The following ULK2 variants were observed in gnomAD, a reference collection of about 807,000 sequenced individuals.
The protein encoded by ULK2 is unc-51 like autophagy activating kinase 2, also known as serine/threonine-protein kinase ULK2.
Under a neutral mutation model 127.5 loss-of-function variants are expected in ULK2, and 76 were observed. That is an observed-to-expected ratio of 0.60 (90% CI 0.50 to 0.72). The LOEUF is 0.72. Among genes scored for constraint, ULK2 ranks in the 30% least tolerant of loss-of-function variants. The pLI, the probability that ULK2 is intolerant of heterozygous loss-of-function variation, is 0.00. For synonymous variants in ULK2, 452 were observed against 461.9 expected (o/e 0.98, Z 0.28); for missense variants, 1,144 against 1,295.9 (o/e 0.88, Z 1.80).
At position 19,784,933 on chromosome 17, in the gene ULK2, A is replaced by G. The variant is rs1342349743; in HGVS notation, c.2251+1004T>C. 3.3e-5 allele frequency among the ~76,000 whole-genome samples: 5 copies of G among 152,200 alleles called. No homozygotes were observed. In the East Asian group the frequency reaches 9.6e-4, roughly 29 times the overall value. Reference sequence around the variant, plus strand: ...CAAGGTTTTTAATCGTCTTAAAAACATAATTTTAGATCTATTTTCTCTTAT... The same window carrying G: ...CAAGGTTTTTAATCGTCTTAAAAACGTAATTTTAGATCTATTTTCTCTTAT... On this transcript the variant is annotated intron_variant, in intron 21 of 26. Transcript: ENST00000395544.
chr17:19,825,027 A>G, intron 12 of ULK2, 67 bp downstream of exon 12: 7 of 1,376,786 alleles, frequency 5.1e-6, no homozygotes, highest in Non-Finnish European at 7.2e-6. Flanking sequence ...GTGTATGTGC[A>G]TGCTCCATTT....
chr17:19,820,647 T>C (rs3101814), intron 12 of ULK2, among the ~76,000 whole-genome samples: 134,999 of 152,234 alleles, frequency 0.89, 60,724 homozygotes, highest in Non-Finnish European at 0.97. Context: ...CAAATTTAAA[T>C]GTAAATGGCC....
chr17:19,862,183 G>C (rs1214263363), intron 3 of ULK2, among the ~76,000 whole-genome samples: 2 of 149,744 alleles, frequency 1.3e-5, no homozygotes. Flanking sequence ...TGCAACCTCC[G>C]CCTCCCGGGT....
At chr17:19,855,529 G>A (rs1471886751) in intron 3 of ULK2, among the ~76,000 whole-genome samples, 1 of 150,762 alleles carries the variant, frequency 6.6e-6, no homozygotes, top group Admixed American at 6.6e-5. Context: ...GAATCCGAGA[G>A]GCGGAGGTTG....
chr17:19,836,341 G>A (rs540461943), intron 10 of ULK2, among the ~76,000 whole-genome samples: 3 of 152,018 alleles, frequency 2.0e-5, no homozygotes, highest in African/African-American at 4.8e-5. Flanking sequence ...CCCGGGAGAC[G>A]GAGGTTGCAG....
At chr17:19,781,231 TTCTTTCTTTTC>T in intron 23 of ULK2, 127 bp from the exon 24 acceptor site, 1 of 664,050 alleles carries the variant, frequency 1.5e-6, no homozygotes, top group Non-Finnish European at 2.5e-6. Flanking sequence ...ATTTCTTTTC[TTCTTTCTTTTC>T]TTTTTTTTTT....
chr17:19,830,123 G>C (rs1024051276), intron 10 of ULK2, among the ~76,000 whole-genome samples: 2 of 152,126 alleles, frequency 1.3e-5, no homozygotes, highest in African/African-American at 4.8e-5. Context: ...TCTGAGAGCA[G>C]AGCATATATT....
intron 10 of ULK2, among the ~76,000 whole-genome samples, chr17:19,832,429 G>T (rs897388482): frequency 6.6e-6 from 1 of 151,986 alleles, no homozygotes; most frequent in Admixed American, 6.6e-5. Flanking sequence ...CACAACACCA[G>T]CTAATTTTTG....
rs373811199 is a variant in ULK2, at chr17:19,797,669, T to C, written c.1536A>G (p.Pro512=). The part of the protein sequence containing the change: ...RSRNSSGSPV[P]QAQSPQSLLS... The stretch of plus-strand genomic sequence containing the variant: ...AGAGAGACTGTGGGGACTGAGCTTG[T>C]GGCACTGGAGAACCTAACAAGAAAA... Residue 512 remains proline, a synonymous_variant, in exon 18 of 27, where the codon CCA becomes CCG. Transcript: ENST00000395544. 39 of 1,531,558 alleles carry C rather than the reference T, an allele frequency of 2.5e-5. No individual in the cohort carries two copies. The African/African-American group carries it at 4.9e-4, about 19-fold the overall frequency. 94.9% of individuals were successfully genotyped at this position (1,531,558 alleles called of 1,614,324 possible).
intron 13 of ULK2, 44 bp from the exon 14 acceptor site, chr17:19,810,482 C>A: frequency 7.9e-7 from 1 of 1,259,914 alleles, no homozygotes; most frequent in Non-Finnish European, 1.1e-6. Flanking sequence ...ATACCATCTG[C>A]TTAAAAAAAC....
intron 5 of ULK2, among the ~76,000 whole-genome samples, chr17:19,848,519 C>G (rs2041944826): frequency 6.6e-6 from 1 of 152,136 alleles, no homozygotes; most frequent in Non-Finnish European, 1.5e-5. Flanking sequence ...TGGCTCACGC[C>G]TGTAATCCCA....
intron 15 of ULK2, 21 bp downstream of exon 15, chr17:19,804,672 A>G (rs1265161598): frequency 5.8e-6 from 9 of 1,560,334 alleles, no homozygotes; most frequent in Non-Finnish European, 6.9e-6. Context: ...GAATTAAGCA[A>G]GAAAAAAGCT....
chr17:19,809,842 T>C (rs1597744590), intron 14 of ULK2, among the ~76,000 whole-genome samples: 2 of 151,426 alleles, frequency 1.3e-5, no homozygotes, highest in Admixed American at 1.3e-4. Context: ...GAGGCGGTGG[T>C]TGCAGTGAGC....
chr17:19,820,773 C>T (rs1007834196), intron 12 of ULK2, among the ~76,000 whole-genome samples: 2 of 152,158 alleles, frequency 1.3e-5, no homozygotes, highest in African/African-American at 4.8e-5. Context: ...CAAAACTCAG[C>T]TCAAACAATC....
intron 10 of ULK2, among the ~76,000 whole-genome samples, chr17:19,836,104 TA>T (rs56884283): frequency 0.065 from 7,687 of 117,944 alleles, 323 homozygotes; most frequent in East Asian, 0.26. Flanking sequence ...CCATCTCTAC[TA>T]AAAAAAAAAA....
At chr17:19,866,344 A>G (rs1394765549) in intron 1 of ULK2, among the ~76,000 whole-genome samples, 13 of 149,428 alleles carry the variant, frequency 8.7e-5, no homozygotes, top group Admixed American at 2.7e-4. Flanking sequence ...TACTAAAAAT[A>G]CAAAAAAAAA....
intron 20 of ULK2, among the ~76,000 whole-genome samples, chr17:19,788,107 C>CTCCGGG (rs2087074405): frequency 6.6e-6 from 1 of 152,122 alleles, no homozygotes; most frequent in Non-Finnish European, 1.5e-5. Flanking sequence ...AGCTAAAGCG[C>CTCCGGG]TCCGGGTCCA....
chr17:19,815,604 A>T (rs929689114), intron 13 of ULK2, among the ~76,000 whole-genome samples: 2 of 152,206 alleles, frequency 1.3e-5, no homozygotes, highest in African/African-American at 2.4e-5. Context: ...TATATATTTT[A>T]AAAACACATC....
At chr17:19,862,553 C>T (rs942264183) in intron 3 of ULK2, among the ~76,000 whole-genome samples, 4 of 151,798 alleles carry the variant, frequency 2.6e-5, no homozygotes, top group Admixed American at 1.3e-4. Flanking sequence ...GTAACCTCTG[C>T]CTCCTGGGCT....
Sources: gnomAD v4.1 joint callset for allele counts (sites outside exome capture counted in the v4.1 genomes callset) on GRCh38, gnomAD v4.1.1 for gene constraint, MANE v1.5 for transcripts, NCBI Gene and HGNC (gene_info 2026-07-23, HGNC 2026-07-21) for gene names.